The following COL4A4 variants were observed in gnomAD, a reference collection of about 807,000 sequenced individuals.
COL4A4 encodes collagen alpha-4(IV) chain.
In COL4A4, 105 loss-of-function variants were observed where a neutral mutation model predicts 192.9. The observed-to-expected ratio is 0.54, with a 90% CI of 0.46 to 0.64. COL4A4 has a LOEUF of 0.64. Among genes scored for constraint, COL4A4 ranks in the 30% least tolerant of loss-of-function variants. The pLI is 0.00. For synonymous variants in COL4A4, 762 were observed against 769.9 expected (o/e 0.99, Z 0.17); for missense variants, 1,967 against 2,169.3 (o/e 0.91, Z 1.85).
rs200849651 is a variant in COL4A4, at chr2:227,008,302, G to A, written c.4525C>T (p.Leu1509=). Residue 1509 remains leucine, a splice_region_variant and synonymous_variant, in exon 47 of 48, where the codon CTG becomes TTG. Coordinates refer to ENST00000396625, the MANE Select transcript of COL4A4 (RefSeq NM_000092.5). Reference sequence around the variant, plus strand: ...AATACGGGAAGGCAAGACCCTGCCAGACCTTGGGAAGGGAAGAAGAGACAG... The same window carrying A: ...AATACGGGAAGGCAAGACCCTGCCAAACCTTGGGAAGGGAAGAAGAGACAG... ...QEKAHNQDLG[L]AGSCLPVFST... is the part of the protein sequence containing the mutation. 151 of 1,614,018 alleles carry A rather than the reference G, an allele frequency of 9.4e-5. No homozygotes were observed. Among genetic ancestry groups the A allele is most frequent in the Non-Finnish European group, 1.2e-4 (143 of 1,179,950 alleles).
chr2:227,143,053 C>G (rs16823255), intron 3 of COL4A4, among the ~76,000 whole-genome samples: 16,889 of 152,132 alleles, frequency 0.11, 3,070 homozygotes, highest in African/African-American at 0.39. Context: ...CATGGGCACA[C>G]AGGCACAGAT....
In COL4A4 at chr2:227,051,053, G is replaced by A; in HGVS notation, c.3074C>T (p.Pro1025Leu). Residue 1025 changes from proline to leucine, a missense_variant, in exon 33 of 48, where the codon CCT becomes CTT. Physicochemically the swap from Pro to Leu is moderately conservative, Grantham distance 98 (BLOSUM62 -3). Coordinates refer to ENST00000396625, the MANE Select transcript of COL4A4 (RefSeq NM_000092.5). ...GCCTGGAGGGCCTGGGGGTCCAGGA[G>A]GCCCTGGCTGACCTTTCTCACCAGG... Reference protein sequence around the residue: ...GEPGEKGQPGPPGPPGPPGST... With the variant: ...GEPGEKGQPGLPGPPGPPGST... 1 of 1,614,192 alleles carries A rather than the reference G, an allele frequency of 6.2e-7. No individual in the cohort carries two copies. The highest frequency in any genetic ancestry group is 8.5e-7 in the Non-Finnish European group (1 of 1,180,038).
At chr2:227,001,960 G>A (rs1961064067), downstream of COL4A4, among the ~76,000 whole-genome samples, 1 of 152,102 alleles carries the variant, frequency 6.6e-6, no homozygotes, top group African/African-American at 2.4e-5. Context: ...ATGATTTGAA[G>A]CCAAGAGTTT....
chr2:227,113,319 A>G (rs1371630530), intron 8 of COL4A4, among the ~76,000 whole-genome samples: 1 of 152,140 alleles, frequency 6.6e-6, no homozygotes, highest in Non-Finnish European at 1.5e-5. Context: ...TCTACAGGTC[A>G]TTTTTATTAG....
chr2:226,982,143 G>T, the COL4A4 span, among the ~76,000 whole-genome samples: 4 of 152,238 alleles, frequency 2.6e-5, no homozygotes, highest in African/African-American at 7.2e-5. Flanking sequence ...ATGTGGTAGG[G>T]TTGGGCTGGG....
Position 227,030,443 on chromosome 2 carries a change from C to G in COL4A4, c.3973G>C (p.Gly1325Arg), listed in dbSNP as rs764872559. 17 of 1,614,016 alleles carry G rather than the reference C, an allele frequency of 1.1e-5. No individual in the cohort carries two copies. In the South Asian group the frequency reaches 1.8e-4, roughly 17 times the overall value. Residue 1325 changes from glycine to arginine, a missense_variant and splice_region_variant, in exon 41 of 48, where the codon GGA becomes CGA. Physicochemically the swap from Gly to Arg is moderately radical, Grantham distance 125 (BLOSUM62 -2). Coordinates refer to ENST00000396625, the MANE Select transcript of COL4A4 (RefSeq NM_000092.5). Reference protein sequence around the residue: ...PGCDGKDGQKGPVGFPGPQGP... With the variant: ...PGCDGKDGQKRPVGFPGPQGP... ...TTACTTAACGGAACAACATTCATAC[C>G]TTTCTGGCCATCTTTTCCATCACAT...
At position 227,056,087 on chromosome 2, in the gene COL4A4, T is replaced by G. The variant is rs1975267171; in HGVS notation, c.2574A>C (p.Gly858=). The change falls in exon 30 of 48, where the codon GGA becomes GGC. Residue 858 remains glycine (G), a synonymous_variant. Transcript: ENST00000396625. ...CAGCTGGCCCGGGAGGCCCCACATC[T>G]CCCGGCTGTCCTTTCCCACCTGGAG... ...PGAPGGKGQP[G]DVGPPGPAGM... 2 of 1,613,930 alleles carry G rather than the reference T, an allele frequency of 1.2e-6. No homozygotes were observed. The highest frequency in any genetic ancestry group is 8.5e-7 in the Non-Finnish European group (1 of 1,179,998).
the COL4A4 span, chr2:226,996,714 G>A: frequency 1.3e-5 from 2 of 152,200 alleles, no homozygotes; most frequent in African/African-American, 4.8e-5. Flanking sequence ...TTATCTTTGG[G>A]AGTGGAGTAC....
intron 37 of COL4A4, among the ~76,000 whole-genome samples, chr2:227,041,910 GAAAGAA>G (rs1559479386): frequency 6.6e-6 from 1 of 150,926 alleles, no homozygotes; most frequent in Non-Finnish European, 1.5e-5. Context: ...AAGAAAGAAA[GAAAGAA>G]AGAAAGAAAA....
In COL4A4 at chr2:227,056,057, C is replaced by G; in HGVS notation, c.2604G>C (p.Met868Ile). The G allele has an allele frequency of 4.3e-6, 7 of 1,614,094 alleles. No individual in the cohort carries two copies. Among genetic ancestry groups the G allele is most frequent in the Non-Finnish European group, 5.1e-6 (6 of 1,180,022 alleles). The change falls in exon 30 of 48, where the codon ATG (methionine) becomes ATC (isoleucine). Residue 868 changes from methionine to isoleucine, a missense_variant. Coordinates refer to ENST00000396625, the MANE Select transcript of COL4A4 (RefSeq NM_000092.5). The stretch of plus-strand genomic sequence containing the variant: ...GTCCTGGGAGTCCGGGGAGGCCTTT[C>G]ATTCCAGCTGGCCCGGGAGGCCCCA... ...GDVGPPGPAGMKGLPGLPGRP... is the reference protein window; with the variant it reads ...GDVGPPGPAGIKGLPGLPGRP...
chr2:227,078,161 C>G (rs538814236), intron 24 of COL4A4, 84 bp from the exon 25 acceptor site: 97 of 1,366,264 alleles, frequency 7.1e-5, no homozygotes, highest in Non-Finnish European at 9.3e-5. Flanking sequence ...CAGAAACACA[C>G]GCAAAAGTCC....
chr2:227,054,565 T>C, intron 31 of COL4A4, 29 bp downstream of exon 31: 1 of 1,613,648 alleles, frequency 6.2e-7, no homozygotes, highest in African/African-American at 1.3e-5. Context: ...CAGAAACAAA[T>C]GCATGTTGCA....
In COL4A4 at chr2:227,051,034, A is replaced by G; in HGVS notation, c.3093T>C (p.Pro1031=). 6.2e-7 allele frequency: 1 copy of G among 1,614,202 alleles called. No homozygotes were observed. The highest frequency in any genetic ancestry group is 8.5e-7 in the Non-Finnish European group (1 of 1,180,038). Reference sequence around the variant, plus strand: ...ACCCTCTTAGACCAGTTGAGCCTGGAGGGCCTGGGGGTCCAGGAGGCCCTG... The same window carrying G: ...ACCCTCTTAGACCAGTTGAGCCTGGGGGGCCTGGGGGTCCAGGAGGCCCTG... ...GQPGPPGPPG[P]PGSTGLRGFI... The change falls in exon 33 of 48, where the codon CCT becomes CCC. Residue 1031 remains proline, a synonymous_variant. Coordinates refer to ENST00000396625, the MANE Select transcript of COL4A4 (RefSeq NM_000092.5).
chr2:227,096,794 C>T (rs1194614765), intron 19 of COL4A4, among the ~76,000 whole-genome samples: 3 of 152,094 alleles, frequency 2.0e-5, no homozygotes, highest in Non-Finnish European at 4.4e-5. Flanking sequence ...TTTCACTGTA[C>T]CACATTATAC....
intron 25 of COL4A4, among the ~76,000 whole-genome samples, chr2:227,068,813 GGGA>G: frequency 6.8e-6 from 1 of 147,516 alleles, no homozygotes; most frequent in Non-Finnish European, 1.5e-5. Flanking sequence ...GCACAAGACA[GGGA>G]TGCCCTCTCT....
intron 25 of COL4A4, among the ~76,000 whole-genome samples, chr2:227,070,027 AAAAC>A (rs1468474663): frequency 6.6e-6 from 1 of 150,570 alleles, no homozygotes; most frequent in Non-Finnish European, 1.5e-5. Context: ...TTACAAGAAA[AAAAC>A]AAACAACCCC....
Position 227,077,996 on chromosome 2 carries a change from G to A in COL4A4, c.1885C>T (p.Pro629Ser), listed in dbSNP as rs751582850. The A allele has an allele frequency of 3.1e-6, 5 of 1,613,774 alleles. No homozygotes were observed. Among genetic ancestry groups the A allele is most frequent in the African/African-American group, 1.3e-5 (1 of 74,920 alleles). Residue 629 changes from proline (P) to serine (S), a missense_variant, in exon 25 of 48, where the codon CCC (proline) becomes TCC (serine). Physicochemically the swap from Pro to Ser is moderately conservative, Grantham distance 74. Transcript: ENST00000396625. ...GPPGKAGPVG[P>S]PGLGFPGPPG... ...GGACCAGGAAATCCCAGTCCTGGGG[G>A]CCCCACAGGTCCTGCTTTGCCTGGG...
At chr2:227,140,875 T>TCACACACA (rs71036159) in intron 3 of COL4A4, among the ~76,000 whole-genome samples, 14 of 139,754 alleles carry the variant, frequency 1.0e-4, no homozygotes, top group Admixed American at 2.2e-4. Context: ...CTTTAGAGCA[T>TCACACACA]CACACACACA....
chr2:226,987,194 G>A, the COL4A4 span, among the ~76,000 whole-genome samples: 1 of 152,164 alleles, frequency 6.6e-6, no homozygotes, highest in East Asian at 1.9e-4. Flanking sequence ...GGGGCAAGGG[G>A]AGGCATAGCA....
Sources: gnomAD v4.1 joint callset for allele counts (sites outside exome capture counted in the v4.1 genomes callset) on GRCh38, gnomAD v4.1.1 for gene constraint, MANE v1.5 for transcripts, NCBI Gene and HGNC (gene_info 2026-07-23, HGNC 2026-07-21) for gene names.